Variants in EPHB2 observed in about 807,000 individuals in gnomAD.
EPHB2 encodes EPH receptor B2.
EPHB2 carries 18 observed loss-of-function variants against 96.4 expected under a neutral mutation model. That is an observed-to-expected ratio of 0.19 (90% CI 0.13 to 0.28). The LOEUF is 0.28. EPHB2 is among the 10% of genes least tolerant of loss of function. The pLI is 1.00. For synonymous variants in EPHB2, 506 were observed against 534.1 expected (o/e 0.95, Z 0.72); for missense variants, 989 against 1,355.4 (o/e 0.73, Z 4.25).
At chr1:22,807,005 G>A (rs1224022623) in intron 3 of EPHB2, among the ~76,000 whole-genome samples, 3 of 152,180 alleles carry the variant, frequency 2.0e-5, no homozygotes, top group Non-Finnish European at 4.4e-5. Flanking sequence ...GGATGGGAAC[G>A]CTTCCCAGCT....
chr1:22,781,627 AATCCCCTACCATTGATGGAGCCATG>A (rs1195551216), intron 2 of EPHB2, 142 bp downstream of exon 2: 10 of 746,634 alleles, frequency 1.3e-5, no homozygotes, highest in Admixed American at 8.7e-5. Flanking sequence ...CCACCCTCCC[AATCCCCTACCATTGATGGAGCCATG>A]ATCCCCTACC....
chr1:22,787,308 A>G (rs1185792607), intron 3 of EPHB2, among the ~76,000 whole-genome samples: 1 of 152,212 alleles, frequency 6.6e-6, no homozygotes, highest in Non-Finnish European at 1.5e-5. Flanking sequence ...TGCATGAATA[A>G]AGGCCTGGGA....
chr1:22,872,202 G>A (rs1410715577), intron 5 of EPHB2, among the ~76,000 whole-genome samples: 1 of 152,130 alleles, frequency 6.6e-6, no homozygotes, highest in Admixed American at 6.5e-5. Flanking sequence ...GCTGGGGGCT[G>A]CCTGAGCTCC....
intron 14 of EPHB2, among the ~76,000 whole-genome samples, chr1:22,911,338 A>T (rs1181992868): frequency 6.6e-6 from 1 of 152,088 alleles, no homozygotes; most frequent in African/African-American, 2.4e-5. Context: ...TGCACAGATG[A>T]ACACACAATT....
At chr1:22,786,238 A>G (rs2148427303) in intron 3 of EPHB2, among the ~76,000 whole-genome samples, 1 of 152,322 alleles carries the variant, frequency 6.6e-6, no homozygotes, top group Middle Eastern at 3.4e-3. Flanking sequence ...CATGCAAAGT[A>G]CTTGTAATGG....
chr1:22,801,425 G>A (rs553296824), intron 3 of EPHB2, among the ~76,000 whole-genome samples: 154 of 152,104 alleles, frequency 1.0e-3, no homozygotes, highest in African/African-American at 3.4e-3. Flanking sequence ...GGTGTTATCC[G>A]CCTTCCACAG....
intron 1 of EPHB2, among the ~76,000 whole-genome samples, chr1:22,761,487 A>G (rs1323624742): frequency 6.6e-6 from 1 of 152,176 alleles, no homozygotes; most frequent in Non-Finnish European, 1.5e-5. Flanking sequence ...AGGGGTGAGA[A>G]TAAGCATTGG....
chr1:22,868,263 G>A (rs1314626504), intron 5 of EPHB2, among the ~76,000 whole-genome samples: 3 of 152,150 alleles, frequency 2.0e-5, no homozygotes, highest in Admixed American at 6.5e-5. Flanking sequence ...CACAGGGAGA[G>A]CCCTCAGGAT....
At position 22,713,984 on chromosome 1, in the gene EPHB2, A is replaced by C. The variant is rs548718296; in HGVS notation, c.61+2941A>C. ...GCACTGGGGAAACGTCCAACAGGACAGGAGGCCGGTGGCAGACCCTGTCCA... is the reference window on the plus strand; with the variant it reads ...GCACTGGGGAAACGTCCAACAGGACCGGAGGCCGGTGGCAGACCCTGTCCA... On this transcript the variant is annotated intron_variant, in intron 1 of 15. Coordinates refer to ENST00000374630, the MANE Select transcript of EPHB2 (RefSeq NM_017449.5). Among the ~76,000 whole-genome samples the C allele has an allele frequency of 1.9e-3, 286 of 152,364 alleles. 2 individuals are homozygous for C. Among genetic ancestry groups the C allele is most frequent in the Non-Finnish European group, 2.1e-3 (143 of 68,030 alleles).
At chr1:22,729,067 C>T (rs1643647374) in intron 1 of EPHB2, among the ~76,000 whole-genome samples, 1 of 152,228 alleles carries the variant, frequency 6.6e-6, no homozygotes, top group African/African-American at 2.4e-5. Flanking sequence ...TCTGCTCACT[C>T]GGGGTAATGC....
intron 3 of EPHB2, among the ~76,000 whole-genome samples, chr1:22,819,558 C>A (rs900086744): frequency 6.6e-6 from 1 of 152,148 alleles, no homozygotes; most frequent in African/African-American, 2.4e-5. Flanking sequence ...CCCAAGGGCA[C>A]TCAACCCCAG....
intron 1 of EPHB2, among the ~76,000 whole-genome samples, chr1:22,765,076 G>A (rs566220793): frequency 6.6e-6 from 1 of 152,294 alleles, no homozygotes; most frequent in African/African-American, 2.4e-5. Flanking sequence ...GTCTGTCTGA[G>A]TCTAATTCTG....
chr1:22,722,480 GACTT>G (rs1250492164), intron 1 of EPHB2, among the ~76,000 whole-genome samples: 2 of 152,310 alleles, frequency 1.3e-5, no homozygotes, highest in Non-Finnish European at 2.9e-5. Context: ...GAGGTTCAAT[GACTT>G]ACTCAAGGTT....
chr1:22,906,603 G>A lies in EPHB2; in HGVS notation c.1889-107G>A. ...TCTGCAAGGATGAGTGGGCCATTGA[G>A]AAGAAAATGTACCTGCAGGCCCCGT... On this transcript the variant is annotated intron_variant, in intron 10 of 15. Transcript: ENST00000374630. The surrounding 1 kb of genome is among the most constrained non-coding windows in gnomAD (Gnocchi z 4.8). 7 of 1,548,430 alleles carry A rather than the reference G, an allele frequency of 4.5e-6. No homozygotes were observed. Among genetic ancestry groups the A allele is most frequent in the Non-Finnish European group, 6.1e-6 (7 of 1,142,548 alleles).
At chr1:22,775,288 G>A (rs746234225) in intron 1 of EPHB2, 1 of 778,842 alleles carries the variant, frequency 1.3e-6, no homozygotes, top group African/African-American at 1.7e-5. Flanking sequence ...CTGTGAAATG[G>A]GGTTAATAAT....
Position 22,863,327 on chromosome 1 carries a change from T to G in EPHB2, c.967+135T>G, listed in dbSNP as rs981394239. The G allele has an allele frequency of 4.1e-6, 6 of 1,454,060 alleles. No homozygotes were observed. The Admixed American group carries it at 1.2e-4, about 28-fold the overall frequency. The allele number at this position is 1,454,060 out of a possible 1,614,324, so 90.1% of individuals were successfully genotyped here. A position where few individuals can be genotyped will look rare whatever the true frequency, so the allele number is the denominator to read the frequency against. ...GGTGGGAAGAGAAATGGAAAAGTGC[T>G]CAAGAAAGGGGCATCCTGGGGTGGC... On this transcript the variant is annotated intron_variant, in intron 4 of 15. Coordinates refer to ENST00000374630, the MANE Select transcript of EPHB2 (RefSeq NM_017449.5).
At chr1:22,841,965 C>G (rs1474047544) in intron 3 of EPHB2, among the ~76,000 whole-genome samples, 1 of 152,138 alleles carries the variant, frequency 6.6e-6, no homozygotes, top group Admixed American at 6.5e-5. Flanking sequence ...AGACAGAGGG[C>G]CGATGCCAGG....
chr1:22,730,250 G>C (rs1347483758), intron 1 of EPHB2, among the ~76,000 whole-genome samples: 1 of 152,218 alleles, frequency 6.6e-6, no homozygotes, highest in Non-Finnish European at 1.5e-5. Context: ...GCTTGATGAG[G>C]CCACACAGCT....
chr1:22,896,542 C>CCA, intron 9 of EPHB2, 64 bp downstream of exon 9: 2 of 1,599,772 alleles, frequency 1.3e-6, no homozygotes, highest in Non-Finnish European at 1.7e-6. Context: ...CCAGTGACCT[C>CCA]TTAAGCCATC....
Sources: gnomAD v4.1 joint callset for allele counts (sites outside exome capture counted in the v4.1 genomes callset) on GRCh38, gnomAD v4.1.1 for gene constraint, Gnocchi (gnomAD v3.1) non-coding constraint, MANE v1.5 for transcripts, NCBI Gene and HGNC (gene_info 2026-07-23, HGNC 2026-07-21) for gene names.